Variants in ADD2 observed in about 807,000 individuals in gnomAD.
ADD2 encodes the protein adducin 2.
In ADD2, 23 loss-of-function variants were observed where a neutral mutation model predicts 83.0. The ratio of observed to expected loss-of-function variants is 0.28; its 90% CI spans 0.20 to 0.39. ADD2 has a LOEUF of 0.39. Ranked by LOEUF, ADD2 falls within the 10% of genes least tolerant of loss-of-function variation. ADD2 has a pLI of 1.00. For missense variants in ADD2, 758 were observed against 944.9 expected (o/e 0.80, Z 2.59); for synonymous variants, 375 against 375.4 (o/e 1.00, Z 0.01).
At chr2:70,677,260 A>C (rs1364237129) in intron 12 of ADD2, among the ~76,000 whole-genome samples, 1 of 152,096 alleles carries the variant, frequency 6.6e-6, no homozygotes, top group Non-Finnish European at 1.5e-5. Flanking sequence ...AGGGTGGTAG[A>C]GGAGGGTGAC....
In ADD2 at chr2:70,704,401, G is replaced by C; in HGVS notation, c.242C>G (p.Ser81Cys). ...IQEQMKKGNN[S>C]SNIWALRQIA... ...CTGTCGCAGGGCCCAGATGTTGGAG[G>C]AGTTGTTCCCCTTCTTCATCTGCTC... The change falls in exon 4 of 16, where the codon TCC becomes TGC. Residue 81 changes from serine to cysteine, a missense_variant. By Grantham distance (112) the Ser-to-Cys change is moderately radical. Coordinates refer to ENST00000264436, the MANE Select transcript of ADD2 (RefSeq NM_001617.4). The C allele has an allele frequency of 6.2e-7, 1 of 1,614,158 alleles. No homozygotes were observed. The highest frequency in any genetic ancestry group is 8.5e-7 in the Non-Finnish European group (1 of 1,180,026).
chr2:70,663,572 A>G lies in ADD2; in HGVS notation c.2034T>C (p.Asp678=), dbSNP rs1553365489. 2.5e-6 allele frequency: 4 copies of G among 1,614,012 alleles called. No homozygotes were observed. The highest frequency in any genetic ancestry group is 1.3e-5 in the African/African-American group (1 of 74,892). ...QMTTSADTDV[D]TSKDKTESVT... is the part of the protein sequence containing the mutation. ...CCGACTCGGTTTTGTCCTTAGAGGT[A>G]TCAACATCCGTGTCAGCACTGGTGG... is the stretch of plus-strand genomic sequence containing the variant. The change falls in exon 16 of 16, where the codon GAT becomes GAC. Residue 678 remains aspartate, a synonymous_variant. Coordinates refer to ENST00000264436, the MANE Select transcript of ADD2 (RefSeq NM_001617.4).
At chr2:70,725,835 G>A (rs537197689) in intron 1 of ADD2, among the ~76,000 whole-genome samples, 2 of 152,224 alleles carry the variant, frequency 1.3e-5, no homozygotes, top group South Asian at 4.1e-4. Context: ...TGATTCAGCA[G>A]GTCTGGGGTG....
chr2:70,688,370 G>C (rs1670849356), intron 8 of ADD2, among the ~76,000 whole-genome samples: 1 of 152,220 alleles, frequency 6.6e-6, no homozygotes, highest in Non-Finnish European at 1.5e-5. Context: ...ATTTCTTTAG[G>C]CAACGCCTGG....
At chr2:70,745,355 T>G (rs1674134887) in intron 1 of ADD2, among the ~76,000 whole-genome samples, 1 of 152,122 alleles carries the variant, frequency 6.6e-6, no homozygotes, top group South Asian at 2.1e-4. Context: ...GCTGTAGGGT[T>G]GTTGTTGTTG....
intron 1 of ADD2, among the ~76,000 whole-genome samples, chr2:70,717,056 C>G (rs1467248564): frequency 6.6e-6 from 1 of 152,100 alleles, no homozygotes; most frequent in Non-Finnish European, 1.5e-5. Flanking sequence ...CCCTTGAGCA[C>G]CCCCTCACCT....
chr2:70,699,131 G>A (rs1420540833), intron 4 of ADD2, among the ~76,000 whole-genome samples: 2 of 152,088 alleles, frequency 1.3e-5, no homozygotes, highest in African/African-American at 2.4e-5. Context: ...AGAGTATAAT[G>A]ACAGACGTGG....
At chr2:70,764,459 C>T (rs964814232) in intron 1 of ADD2, among the ~76,000 whole-genome samples, 5 of 151,712 alleles carry the variant, frequency 3.3e-5, no homozygotes, top group Admixed American at 1.3e-4. Context: ...TCACTCTCTC[C>T]ACTATTCCAA....
Position 70,687,629 on chromosome 2 carries a change from CA to C in ADD2, c.948+394del, listed in dbSNP as rs527323533. On this transcript the variant is annotated intron_variant, in intron 9 of 15. Transcript: ENST00000264436. ...ACAAACAAACAAACAAACAAACAAA[CA>C]AACACCTACCTGTGTGTCTGTTGGG... Among the ~76,000 whole-genome samples the C allele has an allele frequency of 1.5e-5, 2 of 135,528 alleles. 1 individual carries two copies. The highest frequency in any genetic ancestry group is 4.0e-4 in the East Asian group (2 of 5,008). The allele number at this position is 135,528 out of a possible 152,430, so 88.9% of individuals were successfully genotyped here.
intron 1 of ADD2, among the ~76,000 whole-genome samples, chr2:70,760,252 G>A (rs960932431): frequency 3.3e-5 from 5 of 152,052 alleles, no homozygotes; most frequent in East Asian, 3.9e-4. Context: ...CTCAGATCTC[G>A]GGTCCCAGCC....
At chr2:70,675,261 C>A in intron 13 of ADD2, 1 of 1,004,994 alleles carries the variant, frequency 1.0e-6, no homozygotes, top group Non-Finnish European at 1.2e-6. Context: ...CCCGCCCCCA[C>A]AGCAGTGCAA....
At chr2:70,687,992 C>G (rs1317623262) in intron 9 of ADD2, 32 bp downstream of exon 9, 10 of 1,581,932 alleles carry the variant, frequency 6.3e-6, no homozygotes, top group South Asian at 1.1e-5. Context: ...AGAGCCCACT[C>G]CTGGGCCCAC....
intron 1 of ADD2, among the ~76,000 whole-genome samples, chr2:70,765,068 G>C (rs1675308923): frequency 6.6e-6 from 1 of 151,850 alleles, no homozygotes; most frequent in Non-Finnish European, 1.5e-5. Flanking sequence ...ATCAAGAACT[G>C]TTGGTTGGGC....
rs1675439101 is a variant in ADD2 at position 70,658,685 on chromosome 2, AC to A, written c.*4739del. 1 of 152,116 alleles carries A rather than the reference AC, an allele frequency of 6.6e-6. No homozygotes were observed. The highest frequency in any genetic ancestry group is 1.5e-5 in the Non-Finnish European group (1 of 68,016). The allele number at this position is 152,116 out of a possible 1,614,324, so 9.4% of individuals were successfully genotyped here. ...CAGTGATGAGAGAGAATGTAAAAAG[AC>A]CTGTTTCCTCTATGCTCAGTCAACT... On this transcript the variant is annotated 3_prime_UTR_variant, in exon 16 of 16. Transcript: ENST00000264436.
At position 70,688,421 on chromosome 2, in the gene ADD2, T is replaced by C. The variant is rs117270319; in HGVS notation, c.850-299A>G. On this transcript the variant is annotated intron_variant, in intron 8 of 15. Transcript: ENST00000264436. Reference sequence around the variant, plus strand: ...AAAAATTGAAATTGAAAAGGCATTTTAAAACTGAGACTAAATAGCTTGGTC... The same window carrying C: ...AAAAATTGAAATTGAAAAGGCATTTCAAAACTGAGACTAAATAGCTTGGTC... 1.7e-3 allele frequency among the ~76,000 whole-genome samples: 266 copies of C among 152,404 alleles called. 4 individuals carry two copies. The East Asian group carries it at 0.047, about 27-fold the overall frequency.
Position 70,681,013 on chromosome 2 carries a change from T to C in ADD2, c.1126-2052A>G, listed in dbSNP as rs79346614. On this transcript the variant is annotated intron_variant, in intron 10 of 15. Coordinates refer to ENST00000264436, the MANE Select transcript of ADD2 (RefSeq NM_001617.4). Reference sequence around the variant, plus strand: ...AAAAACTAAACTATCCTTGTAAAACTGATGAAAGACCACCAAGTTAGGAAG... The same window carrying C: ...AAAAACTAAACTATCCTTGTAAAACCGATGAAAGACCACCAAGTTAGGAAG... Among the ~76,000 whole-genome samples, 761 of 152,296 alleles carry C rather than the reference T, an allele frequency of 5.0e-3. 11 individuals carry two copies. Among genetic ancestry groups the C allele is most frequent in the African/African-American group, 0.018 (728 of 41,554 alleles).
rs1316982724 is a variant in ADD2, at chr2:70,659,503, G to T, written c.*3922C>A. 1 of 152,136 alleles carries T rather than the reference G, an allele frequency of 6.6e-6. No individual in the cohort carries two copies. Among genetic ancestry groups the T allele is most frequent in the Non-Finnish European group, 1.5e-5 (1 of 68,020 alleles). The allele number at this position is 152,136 out of a possible 1,614,324, so 9.4% of individuals were successfully genotyped here. ...TGGCAGAGGGCAGTGCTTTACAGTG[G>T]GGTTCTTACTGTAAGAACTTACTGC... On this transcript the variant is annotated 3_prime_UTR_variant, in exon 16 of 16. Transcript: ENST00000264436.
intron 1 of ADD2, chr2:70,767,622 C>T (rs1174452395): frequency 1.3e-5 from 17 of 1,285,214 alleles, no homozygotes; most frequent in African/African-American, 9.3e-5. Flanking sequence ...CGTTACGCTC[C>T]GGGCGAGGGT....
intron 1 of ADD2, among the ~76,000 whole-genome samples, chr2:70,724,584 C>T (rs577582279): frequency 5.9e-5 from 9 of 152,324 alleles, no homozygotes; most frequent in African/African-American, 1.9e-4. Context: ...CACAAGGAGG[C>T]CTGCTGCCAT....
Sources: gnomAD v4.1 joint callset for allele counts (sites outside exome capture counted in the v4.1 genomes callset) on GRCh38, gnomAD v4.1.1 for gene constraint, MANE v1.5 for transcripts, NCBI Gene and HGNC (gene_info 2026-07-23, HGNC 2026-07-21) for gene names.